EXOC4: variants seen among roughly 807,000 people sequenced by gnomAD.
The protein encoded by EXOC4 is exocyst complex component 4.
EXOC4 carries 71 observed loss-of-function variants against 107.2 expected under a neutral mutation model. The observed-to-expected ratio is 0.66, with a 90% CI of 0.55 to 0.81. EXOC4 has a LOEUF of 0.81. Among genes scored for constraint, EXOC4 ranks in the 30% least tolerant of loss-of-function variants. EXOC4 has a pLI of 0.00. For synonymous variants in EXOC4, 456 were observed against 441.2 expected (o/e 1.03, Z -0.42); for missense variants, 1,108 against 1,189.6 (o/e 0.93, Z 1.01).
chr7:133,968,040 A>G (rs1801112151), intron 14 of EXOC4, among the ~76,000 whole-genome samples: 2 of 152,246 alleles, frequency 1.3e-5, no homozygotes, highest in East Asian at 3.9e-4. Flanking sequence ...TATATTTAGG[A>G]TAGTTAGCTC....
chr7:133,754,147 G>A (rs1327980052), intron 10 of EXOC4, among the ~76,000 whole-genome samples: 1 of 152,066 alleles, frequency 6.6e-6, no homozygotes, highest in African/African-American at 2.4e-5. Flanking sequence ...CTGAGATGAG[G>A]GGTTTTGTCA....
chr7:134,100,066 A>T, the EXOC4 span, among the ~76,000 whole-genome samples: 1 of 152,068 alleles, frequency 6.6e-6, no homozygotes, highest in African/African-American at 2.4e-5. Flanking sequence ...TCTAAAGGCT[A>T]CCATGTCACA....
intron 9 of EXOC4, chr7:133,484,199 G>A: frequency 6.6e-7 from 1 of 1,525,934 alleles, no homozygotes; most frequent in Non-Finnish European, 8.8e-7. Context: ...TTAAAAAAAT[G>A]AGATTTCTTT....
chr7:133,783,330 A>T lies in EXOC4; in HGVS notation c.1515-33995A>T, dbSNP rs143204143. On this transcript the variant is annotated intron_variant, in intron 10 of 17. Coordinates refer to ENST00000253861, the MANE Select transcript of EXOC4 (RefSeq NM_021807.4). ...CTGTAGTTGGACATGTCCTGGGATCAGGGGTTGGTTGTTGAAAGAGTAGAT... is the reference window on the plus strand; with the variant it reads ...CTGTAGTTGGACATGTCCTGGGATCTGGGGTTGGTTGTTGAAAGAGTAGAT... 4.7e-3 allele frequency among the ~76,000 whole-genome samples: 718 copies of T among 152,300 alleles called. 6 individuals are homozygous for T. The highest frequency in any genetic ancestry group is 4.2e-3 in the Non-Finnish European group (289 of 68,028).
rs1270953382 is a variant in EXOC4 at position 133,432,476 on chromosome 7, G to T, written c.1183-42852G>T. Among the ~76,000 whole-genome samples the T allele has an allele frequency of 3.9e-5, 6 of 151,980 alleles. 1 individual carries two copies. In the East Asian group the frequency reaches 1.2e-3, roughly 29 times the overall value. On this transcript the variant is annotated intron_variant, in intron 7 of 17. Transcript: ENST00000253861. ...CATTGGACCTTCTTAAGAAAATTTT[G>T]GTAGATAGATATATAAATATAAGTA...
At chr7:134,028,784 C>T (rs1238258804) in intron 17 of EXOC4, among the ~76,000 whole-genome samples, 2 of 152,232 alleles carry the variant, frequency 1.3e-5, no homozygotes, top group East Asian at 3.8e-4. Context: ...AAGAGAGAAT[C>T]TCTATACCTC....
At chr7:133,276,095 C>T (rs898136580) in intron 2 of EXOC4, among the ~76,000 whole-genome samples, 44 of 151,728 alleles carry the variant, frequency 2.9e-4, no homozygotes, top group African/African-American at 1.1e-3. Flanking sequence ...TTTTCTCTTC[C>T]TTCCTTTCTT....
At chr7:133,777,279 AAGAGAGAGAGAG>A (rs151199039) in intron 10 of EXOC4, among the ~76,000 whole-genome samples, 4 of 1,786 alleles carry the variant, frequency 2.2e-3, no homozygotes, top group Non-Finnish European at 4.1e-3. Context: ...GAGAGAGAGA[AAGAGAGAGAGAG>A]AGAGAGAGAG....
At chr7:133,676,005 C>T (rs1316327308) in intron 10 of EXOC4, among the ~76,000 whole-genome samples, 1 of 152,042 alleles carries the variant, frequency 6.6e-6, no homozygotes, top group Non-Finnish European at 1.5e-5. Context: ...GTGGCAATGT[C>T]GTCTGCTTCA....
chr7:133,939,506 C>T (rs1166377055), intron 14 of EXOC4, among the ~76,000 whole-genome samples: 1 of 152,102 alleles, frequency 6.6e-6, no homozygotes, highest in Non-Finnish European at 1.5e-5. Flanking sequence ...CATATTTATA[C>T]TTTTATTCTT....
intron 9 of EXOC4, among the ~76,000 whole-genome samples, chr7:133,614,754 C>T (rs927019312): frequency 5.8e-5 from 7 of 121,494 alleles, no homozygotes; most frequent in East Asian, 2.4e-4. Context: ...ACAAGAGAGC[C>T]GATCAAACGA....
chr7:133,325,405 G>A (rs746486564), intron 5 of EXOC4, among the ~76,000 whole-genome samples: 62 of 152,156 alleles, frequency 4.1e-4, no homozygotes, highest in Non-Finnish European at 7.8e-4. Flanking sequence ...AGGCAGGCCT[G>A]GTGGTGACAG....
At chr7:133,355,629 T>G (rs1034138417) in intron 5 of EXOC4, among the ~76,000 whole-genome samples, 4 of 152,066 alleles carry the variant, frequency 2.6e-5, no homozygotes, top group African/African-American at 9.7e-5. Context: ...AATGCTGTAT[T>G]CTAAAGATCT....
At chr7:133,528,502 T>C (rs1032541059) in intron 9 of EXOC4, among the ~76,000 whole-genome samples, 2 of 152,178 alleles carry the variant, frequency 1.3e-5, no homozygotes, top group Non-Finnish European at 2.9e-5. Flanking sequence ...CATTGTATTC[T>C]CTTCAGATTG....
chr7:133,554,134 T>C (rs1013371404), intron 9 of EXOC4, among the ~76,000 whole-genome samples: 13 of 152,166 alleles, frequency 8.5e-5, no homozygotes, highest in African/African-American at 3.1e-4. Context: ...TCGTGCTTTA[T>C]CTCAGGTGGA....
chr7:133,675,173 AG>A (rs1794027957), intron 10 of EXOC4, among the ~76,000 whole-genome samples: 1 of 152,056 alleles, frequency 6.6e-6, no homozygotes. Context: ...GGGGGATGGT[AG>A]GGGGCAGGGG....
chr7:133,451,401 T>A (rs959891326), intron 7 of EXOC4, among the ~76,000 whole-genome samples: 2 of 152,118 alleles, frequency 1.3e-5, no homozygotes, highest in African/African-American at 4.8e-5. Context: ...TTGATCTTAT[T>A]TTCTTTAGCT....
chr7:133,656,814 A>G (rs1803310765), intron 10 of EXOC4, among the ~76,000 whole-genome samples: 1 of 152,160 alleles, frequency 6.6e-6, no homozygotes, highest in Non-Finnish European at 1.5e-5. Context: ...CTTTGTAGTG[A>G]TTTGTGTGAA....
At chr7:133,756,474 G>T (rs1795920101) in intron 10 of EXOC4, among the ~76,000 whole-genome samples, 1 of 152,170 alleles carries the variant, frequency 6.6e-6, no homozygotes, top group African/African-American at 2.4e-5. Flanking sequence ...TAACTAGTCT[G>T]TGACTCTATG....
Sources: allele counts gnomAD v4.1 joint callset (sites outside exome capture counted in the v4.1 genomes callset), GRCh38; gene constraint gnomAD v4.1.1; transcripts MANE v1.5; gene names NCBI Gene and HGNC (gene_info 2026-07-23, HGNC 2026-07-21).